UBAC2: variants seen among roughly 807,000 people sequenced by gnomAD.
The protein encoded by UBAC2 is ubiquitin-associated domain-containing protein 2.
A neutral mutation model predicts 44.0 loss-of-function variants in UBAC2; 26 were observed. The observed-to-expected ratio is 0.59, with a 90% CI of 0.43 to 0.82. The LOEUF is 0.82. Ranked by LOEUF, UBAC2 falls within the 40% of genes least tolerant of loss-of-function variation. The pLI is 0.00. For synonymous variants in UBAC2, 155 were observed against 154.3 expected, an observed-to-expected ratio of 1.00 and a Z score of -0.04; for missense variants, 329 against 419.4, an observed-to-expected ratio of 0.78 and a Z score of 1.88.
chr13:99,211,479 A>G (rs2042936367), intron 1 of UBAC2, among the ~76,000 whole-genome samples: 1 of 152,240 alleles, frequency 6.6e-6, no homozygotes, highest in African/African-American at 2.4e-5. Context: ...CACCTTTTCA[A>G]TCAACGACTA....
At chr13:99,229,169 G>C (rs965339201) in intron 1 of UBAC2, among the ~76,000 whole-genome samples, 2 of 152,218 alleles carry the variant, frequency 1.3e-5, no homozygotes, top group East Asian at 3.9e-4. Context: ...TAGCAAAACT[G>C]TACAAACCCT....
intron 4 of UBAC2, chr13:99,296,202 T>C: frequency 2.0e-6 from 3 of 1,485,794 alleles, no homozygotes; most frequent in Non-Finnish European, 2.7e-6. Flanking sequence ...AGTAAAAGCA[T>C]ATGTATTCAG....
intron 1 of UBAC2, among the ~76,000 whole-genome samples, chr13:99,230,410 A>G (rs536116294): frequency 6.6e-6 from 1 of 152,302 alleles, no homozygotes; most frequent in East Asian, 1.9e-4. Flanking sequence ...CAGAGGTTGC[A>G]GTGAGCTGAG....
At chr13:99,324,198 T>C (rs903677963) in intron 6 of UBAC2, among the ~76,000 whole-genome samples, 6 of 152,240 alleles carry the variant, frequency 3.9e-5, no homozygotes, top group African/African-American at 1.4e-4. Context: ...TCTAGTATTT[T>C]TGTTTGTTCA....
intron 4 of UBAC2, among the ~76,000 whole-genome samples, chr13:99,297,135 G>T (rs1047013785): frequency 6.6e-6 from 1 of 152,056 alleles, no homozygotes; most frequent in Non-Finnish European, 1.5e-5. Flanking sequence ...TTCTTTTCTT[G>T]TTATAAATAA....
chr13:99,340,240 A>G, intron 6 of UBAC2, 80 bp from the exon 7 acceptor site: 1 of 1,510,074 alleles, frequency 6.6e-7, no homozygotes, highest in Non-Finnish European at 9.0e-7. Context: ...CAGTGTCTGG[A>G]GGCTGCTGAT....
chr13:99,227,206 A>C (rs1467741524), intron 1 of UBAC2, among the ~76,000 whole-genome samples: 1 of 151,846 alleles, frequency 6.6e-6, no homozygotes, highest in Non-Finnish European at 1.5e-5. Flanking sequence ...CTCAAAAAAA[A>C]AAAAACAACA....
chr13:99,371,042 G>T (rs779332805), intron 8 of UBAC2, among the ~76,000 whole-genome samples: 1 of 152,072 alleles, frequency 6.6e-6, no homozygotes, highest in Non-Finnish European at 1.5e-5. Context: ...TGGGGCAGCC[G>T]TTAAGACGAG....
intron 1 of UBAC2, among the ~76,000 whole-genome samples, chr13:99,205,221 G>T (rs1479867262): frequency 6.6e-6 from 1 of 152,182 alleles, no homozygotes; most frequent in Non-Finnish European, 1.5e-5. Flanking sequence ...TCTTTAAGTG[G>T]AGAGGAGGCT....
At position 99,295,665 on chromosome 13, in the gene UBAC2, C is replaced by A; in HGVS notation, c.390-18432C>A. Reference sequence around the variant, plus strand: ...TTGATGAGGAGTGGGAGTGTCTGAGCAAATACTAGAATCCAGACAAATATG... The same window carrying A: ...TTGATGAGGAGTGGGAGTGTCTGAGAAAATACTAGAATCCAGACAAATATG... On this transcript the variant is annotated intron_variant, in intron 4 of 8. Transcript: ENST00000403766. This position sits in a 1 kb window ranked among gnomAD's most constrained non-coding sequence, Gnocchi z 4.1. 6.2e-7 allele frequency: 1 copy of A among 1,614,118 alleles called. No individual in the cohort carries two copies. Among genetic ancestry groups the A allele is most frequent in the East Asian group, 2.2e-5 (1 of 44,886 alleles).
intron 7 of UBAC2, among the ~76,000 whole-genome samples, chr13:99,365,358 T>C (rs1349660127): frequency 2.6e-5 from 4 of 152,166 alleles, no homozygotes; most frequent in African/African-American, 4.8e-5. Flanking sequence ...AGATTATTGT[T>C]ACTTTCTCTA....
intron 7 of UBAC2, among the ~76,000 whole-genome samples, chr13:99,354,500 A>G (rs2045146126): frequency 6.6e-6 from 1 of 152,194 alleles, no homozygotes. Context: ...GTTCTGTGGA[A>G]GTTCAGCAGA....
chr13:99,296,346 TATG>T (rs1324810287), intron 4 of UBAC2, among the ~76,000 whole-genome samples: 3 of 152,214 alleles, frequency 2.0e-5, no homozygotes, highest in Non-Finnish European at 2.9e-5. Flanking sequence ...TGGTTACATA[TATG>T]ATAACAGGAA....
chr13:99,295,968 T>A lies in UBAC2; in HGVS notation c.390-18129T>A. 1 of 1,614,098 alleles carries A rather than the reference T, an allele frequency of 6.2e-7. No individual in the cohort carries two copies. Among genetic ancestry groups the A allele is most frequent in the African/African-American group, 1.3e-5 (1 of 75,046 alleles). On this transcript the variant is annotated intron_variant, in intron 4 of 8. Coordinates refer to ENST00000403766, the MANE Select transcript of UBAC2 (RefSeq NM_001144072.2). The surrounding 1 kb of genome is among the most constrained non-coding windows in gnomAD (Gnocchi z 4.1). ...AGGGTGGTAGAGTTGATTTTTTTCC[T>A]GTTTTGAACAATGACGACCAAGGCT...
At chr13:99,335,200 T>C (rs1469367900) in intron 6 of UBAC2, among the ~76,000 whole-genome samples, 2 of 152,270 alleles carry the variant, frequency 1.3e-5, no homozygotes, top group Non-Finnish European at 2.9e-5. Flanking sequence ...TGTTTAATTT[T>C]GTACTTCATT....
intron 6 of UBAC2, among the ~76,000 whole-genome samples, chr13:99,332,539 C>G (rs927972717): frequency 1.3e-5 from 2 of 152,148 alleles, no homozygotes; most frequent in Non-Finnish European, 2.9e-5. Context: ...TGACCTGGAG[C>G]CAGCGTGGGT....
intron 4 of UBAC2, among the ~76,000 whole-genome samples, chr13:99,287,625 CTTCTTTTTTTTTTCT>C (rs1414771660): frequency 1.8e-3 from 248 of 137,820 alleles, no homozygotes; most frequent in Middle Eastern, 3.7e-3. Flanking sequence ...ATCTTTCTTT[CTTCTTTTTTTTTTCT>C]TTCTTTTTTT....
chr13:99,277,312 G>A (rs1416542339), intron 4 of UBAC2, among the ~76,000 whole-genome samples: 1 of 152,056 alleles, frequency 6.6e-6, no homozygotes, highest in Admixed American at 6.6e-5. Flanking sequence ...GATCACCTGA[G>A]GTCAGGAGTT....
chr13:99,366,358 T>A (rs181645747), intron 7 of UBAC2, among the ~76,000 whole-genome samples: 3 of 152,290 alleles, frequency 2.0e-5, no homozygotes, highest in Non-Finnish European at 4.4e-5. Flanking sequence ...TCTGAGTTTT[T>A]CCCCACTGGA....
Sources: allele counts gnomAD v4.1 joint callset (sites outside exome capture counted in the v4.1 genomes callset), GRCh38; gene constraint gnomAD v4.1.1; non-coding constraint Gnocchi (gnomAD v3.1); transcripts MANE v1.5; gene names NCBI Gene and HGNC (gene_info 2026-07-23, HGNC 2026-07-21).